The following SYNE1 variants were observed in gnomAD, a reference collection of about 807,000 sequenced individuals.
The protein encoded by SYNE1 is spectrin repeat containing nuclear envelope protein 1, also known as nesprin-1.
SYNE1 carries 616 observed loss-of-function variants against 1,111.0 expected under a neutral mutation model. The observed-to-expected ratio is 0.55, with a 90% confidence interval of 0.52 to 0.59. The LOEUF (loss-of-function observed/expected upper bound fraction) is 0.59. Among genes scored for constraint, SYNE1 ranks in the 20% least tolerant of loss-of-function variants. The pLI is 0.00. For synonymous variants in SYNE1, 3,855 were observed against 3,825.8 expected, an observed-to-expected ratio of 1.01 and a Z score of -0.28; for missense variants, 10,006 against 10,417.0, an observed-to-expected ratio of 0.96 and a Z score of 1.72.
At chr6:152,264,122 T>C (rs925551377) in intron 100 of SYNE1, among the ~76,000 whole-genome samples, 3 of 134,300 alleles carry the variant, frequency 2.2e-5, no homozygotes, top group Non-Finnish European at 3.0e-5. Flanking sequence ...GGCAGGAGAA[T>C]CACTTGAACC....
chr6:152,310,042 A>T (rs749254481), intron 89 of SYNE1, 25 bp from the exon 90 acceptor site: 2 of 1,603,750 alleles, frequency 1.2e-6, no homozygotes, highest in Admixed American at 1.7e-5. Flanking sequence ...TCATAGTTCA[A>T]AAATTTAATA....
chr6:152,293,666 C>A lies in SYNE1; in HGVS notation c.17934G>T (p.Lys5978Asn). Residue 5978 changes from lysine to asparagine, a missense_variant, in exon 95 of 146, where the codon AAG becomes AAT. Lys to Asn is a moderately conservative substitution (Grantham distance 94, BLOSUM62 0). This residue lies in a region of SYNE1 where 4,955 missense variants were observed against 5,017.2 expected (regional missense o/e 0.99). Transcript: ENST00000367255. ...YQDSLQSIST[K>N]MEAIELKLSE... ...TGAGTTTCAGCTCAATGGCCTCCAT[C>A]TTCGTAGAGATGGACTGGAGGGAGT... 1 of 1,614,168 alleles carries A rather than the reference C, an allele frequency of 6.2e-7. No individual in the cohort carries two copies. Among genetic ancestry groups the A allele is most frequent in the Non-Finnish European group, 8.5e-7 (1 of 1,180,024 alleles).
intron 100 of SYNE1, among the ~76,000 whole-genome samples, chr6:152,263,523 C>T (rs1038373574): frequency 6.6e-6 from 1 of 151,824 alleles, no homozygotes; most frequent in East Asian, 1.9e-4. Context: ...CCCAAGTAGC[C>T]TCCCAAGTCT....
At chr6:152,209,459 T>C (rs1467896704) in intron 124 of SYNE1, among the ~76,000 whole-genome samples, 1 of 152,034 alleles carries the variant, frequency 6.6e-6, no homozygotes, top group Non-Finnish European at 1.5e-5. Context: ...TAAAAATAGA[T>C]CCATAATGGG....
intron 130 of SYNE1, among the ~76,000 whole-genome samples, chr6:152,174,490 T>C (rs1226333782): frequency 6.6e-6 from 1 of 152,216 alleles, no homozygotes; most frequent in Non-Finnish European, 1.5e-5. Context: ...GAAGTTCTCC[T>C]TCAGTTCTGT....
At chr6:152,368,233 A>G (rs1045591953) in intron 61 of SYNE1, 2 of 152,434 alleles carry the variant, frequency 1.3e-5, no homozygotes, top group African/African-American at 2.4e-5. Context: ...AAAGTTAAAA[A>G]CATAGGAAAC....
intron 95 of SYNE1, among the ~76,000 whole-genome samples, chr6:152,285,535 C>G (rs906189298): frequency 6.6e-6 from 1 of 151,986 alleles, no homozygotes; most frequent in Non-Finnish European, 1.5e-5. Flanking sequence ...CTCTTCCTGC[C>G]TCGTGTGCCA....
chr6:152,372,661 C>T (rs1309989640), intron 59 of SYNE1, among the ~76,000 whole-genome samples: 3 of 152,204 alleles, frequency 2.0e-5, no homozygotes, highest in Non-Finnish European at 4.4e-5. Context: ...AATATACACT[C>T]TCATCTGCAG....
intron 105 of SYNE1, among the ~76,000 whole-genome samples, chr6:152,246,380 C>T (rs1408409534): frequency 2.7e-5 from 4 of 150,098 alleles, no homozygotes; most frequent in Non-Finnish European, 5.9e-5. Context: ...AAGATATAAA[C>T]GATAATGTAT....
At chr6:152,253,752 G>A (rs1199150823) in intron 104 of SYNE1, among the ~76,000 whole-genome samples, 5 of 147,002 alleles carry the variant, frequency 3.4e-5, no homozygotes, top group Non-Finnish European at 6.0e-5. Flanking sequence ...AGAAGGCAGT[G>A]GTAATTTGTG....
intron 3 of SYNE1, among the ~76,000 whole-genome samples, chr6:152,554,612 T>C (rs1257283729): frequency 1.3e-5 from 2 of 152,192 alleles, no homozygotes; most frequent in African/African-American, 2.4e-5. Flanking sequence ...CCAACCAAAC[T>C]TGGTTGTATA....
rs34506864 is a variant in SYNE1 at position 152,563,053 on chromosome 6, TACACAC to T, written c.68-23038_68-23033del. 5.9e-4 allele frequency among the ~76,000 whole-genome samples: 88 copies of T among 148,906 alleles called. No homozygotes were observed. In the East Asian group the frequency reaches 0.014, roughly 24 times the overall value. On this transcript the variant is annotated intron_variant, in intron 3 of 145. Coordinates refer to ENST00000367255, the MANE Select transcript of SYNE1 (RefSeq NM_182961.4). ...TCAAATTATAATAGAGGAAAAAGAG[TACACAC>T]ACACACACACACACACAGAAAGAGA...
rs117235343 is a variant in SYNE1, at chr6:152,529,945, T to C, written c.130-3770A>G. Reference sequence around the variant, plus strand: ...CCAGCAAAAAAAAAGTTAACCCAAATCACATTATTAGCATAAAAAGATCTA... The same window carrying C: ...CCAGCAAAAAAAAAGTTAACCCAAACCACATTATTAGCATAAAAAGATCTA... On this transcript the variant is annotated intron_variant, in intron 4 of 145. Transcript: ENST00000367255. Among the ~76,000 whole-genome samples the C allele has an allele frequency of 1.6e-3, 237 of 152,072 alleles. 1 individual carries two copies. The highest frequency in any genetic ancestry group is 4.7e-3 in the Admixed American group (72 of 15,276).
chr6:152,256,029 G>A (rs1162361087), intron 102 of SYNE1, among the ~76,000 whole-genome samples: 3 of 152,160 alleles, frequency 2.0e-5, no homozygotes, highest in Non-Finnish European at 4.4e-5. Context: ...AACCCAGGAG[G>A]TGGAGGCTGC....
At chr6:152,240,728 T>C (rs2085434350) in intron 107 of SYNE1, among the ~76,000 whole-genome samples, 1 of 152,222 alleles carries the variant, frequency 6.6e-6, no homozygotes, top group African/African-American at 2.4e-5. Flanking sequence ...TAGGCAGTTT[T>C]GTTTCCAGTT....
At chr6:152,533,481 C>T (rs1234208474) in intron 4 of SYNE1, among the ~76,000 whole-genome samples, 1 of 152,110 alleles carries the variant, frequency 6.6e-6, no homozygotes, top group Non-Finnish European at 1.5e-5. Flanking sequence ...TTACCCTTGA[C>T]TCCTCTCTTT....
intron 140 of SYNE1, 81 bp downstream of exon 140, chr6:152,139,869 C>T (rs1446440866): frequency 1.4e-5 from 21 of 1,479,926 alleles, no homozygotes; most frequent in East Asian, 1.1e-4. Flanking sequence ...AAGAGCAGCT[C>T]GAACTAGAGG....
intron 3 of SYNE1, among the ~76,000 whole-genome samples, chr6:152,544,010 A>G (rs11964581): frequency 0.053 from 8,101 of 152,308 alleles, 699 homozygotes; most frequent in African/African-American, 0.18. Flanking sequence ...TAAGCTACAC[A>G]TGACTTTATA....
intron 141 of SYNE1, 86 bp downstream of exon 141, chr6:152,136,532 T>C: frequency 6.5e-7 from 1 of 1,549,528 alleles, no homozygotes; most frequent in Non-Finnish European, 8.8e-7. Flanking sequence ...TGCGTCCCTC[T>C]AGAAACCATG....
Sources: allele counts gnomAD v4.1 joint callset (sites outside exome capture counted in the v4.1 genomes callset), GRCh38; gene constraint gnomAD v4.1.1; regional missense constraint gnomAD v4.1.1; transcripts MANE v1.5; gene names NCBI Gene and HGNC (gene_info 2026-07-23, HGNC 2026-07-21).